The following PCBP3 variants were observed in gnomAD, a reference collection of about 807,000 sequenced individuals.
PCBP3 encodes poly(rC)-binding protein 3.
In PCBP3, 25 loss-of-function variants were observed where a neutral mutation model predicts 52.7. The observed-to-expected ratio is 0.47, with a 90% CI of 0.35 to 0.66. The LOEUF (loss-of-function observed/expected upper bound fraction) is 0.66. PCBP3 is among the 30% of genes least tolerant of loss of function. The pLI is 0.01. For synonymous variants in PCBP3, 162 were observed against 183.0 expected, an observed-to-expected ratio of 0.89 and a Z score of 0.93; for missense variants, 391 against 490.3, an observed-to-expected ratio of 0.80 and a Z score of 1.91.
chr21:45,827,055 G>A lies in PCBP3; in HGVS notation c.-125-22906G>A, dbSNP rs2093326296. On this transcript the variant is annotated intron_variant, in intron 4 of 17. Coordinates refer to ENST00000681687, the MANE Select transcript of PCBP3 (RefSeq NM_001384156.1). This position sits in a 1 kb window ranked among gnomAD's most constrained non-coding sequence, Gnocchi z 4.3. ...AGGGAGCATCAGGGAGGCTGATGGGGACATGTACTCCCAGCTGAGCCAGGC... is the reference window on the plus strand; with the variant it reads ...AGGGAGCATCAGGGAGGCTGATGGGAACATGTACTCCCAGCTGAGCCAGGC... 6.6e-6 allele frequency among the ~76,000 whole-genome samples: 1 copy of A among 152,134 alleles called. No homozygotes were observed. The highest frequency in any genetic ancestry group is 6.5e-5 in the Admixed American group (1 of 15,286).
chr21:45,763,294 T>TTA (rs2088903246), intron 4 of PCBP3: 1 of 152,264 alleles, frequency 6.6e-6, no homozygotes, highest in Non-Finnish European at 1.5e-5. Flanking sequence ...AGGATGATAA[T>TTA]TATTTATTCA....
intron 2 of PCBP3, among the ~76,000 whole-genome samples, chr21:45,725,302 T>G (rs2084946672): frequency 2.0e-5 from 3 of 152,114 alleles, no homozygotes; most frequent in Non-Finnish European, 4.4e-5. Context: ...TGATGGTGGT[T>G]TTTTTTCTGA....
Position 45,805,824 on chromosome 21 carries a change from C to T in PCBP3, c.-125-44137C>T, listed in dbSNP as rs1370304919. 6.6e-6 allele frequency among the ~76,000 whole-genome samples: 1 copy of T among 151,958 alleles called. No individual in the cohort carries two copies. The highest frequency in any genetic ancestry group is 1.5e-5 in the Non-Finnish European group (1 of 68,000). On this transcript the variant is annotated intron_variant, in intron 4 of 17. Coordinates refer to ENST00000681687, the MANE Select transcript of PCBP3 (RefSeq NM_001384156.1). This position sits in a 1 kb window ranked among gnomAD's most constrained non-coding sequence, Gnocchi z 4.6. ...GCGCGCTCCTGTCTTTCTGTGGCAG[C>T]GAAGGTGGCATTCCCTCCTAGCACC...
chr21:45,644,382 G>A (rs777027112), intron 1 of PCBP3, among the ~76,000 whole-genome samples: 1 of 151,910 alleles, frequency 6.6e-6, no homozygotes, highest in Non-Finnish European at 1.5e-5. Flanking sequence ...GCGCGCGGGC[G>A]GTGGGGCGCG....
chr21:45,672,977 C>G (rs934283841), intron 2 of PCBP3, among the ~76,000 whole-genome samples: 3 of 152,098 alleles, frequency 2.0e-5, no homozygotes, highest in South Asian at 2.1e-4. Context: ...TTTCTCTTCC[C>G]CCTGAGCTGG....
intron 1 of PCBP3, among the ~76,000 whole-genome samples, chr21:45,646,375 G>C (rs1183644261): frequency 6.6e-6 from 1 of 151,840 alleles, no homozygotes; most frequent in South Asian, 2.1e-4. Context: ...GCTTGAGTAT[G>C]GGCATCAAGT....
At chr21:45,717,803 G>A (rs2084326533) in intron 2 of PCBP3, among the ~76,000 whole-genome samples, 1 of 152,184 alleles carries the variant, frequency 6.6e-6, no homozygotes, top group Non-Finnish European at 1.5e-5. Context: ...TTCTCTTGAT[G>A]TCTTTGTTTG....
chr21:45,711,200 T>G (rs1267140933), intron 2 of PCBP3, among the ~76,000 whole-genome samples: 2 of 152,232 alleles, frequency 1.3e-5, no homozygotes, highest in Non-Finnish European at 2.9e-5. Context: ...TTGTTGCTTT[T>G]AGGCCATTTT....
In PCBP3 at chr21:45,862,618, A is replaced by C. The variant is rs187720533; in HGVS notation, c.10+12523A>C. ...ACTCGTTATTTTAGCTTCTTTCTTT[A>C]ATAAGCAATCGACTGACTTTGCTTG... On this transcript the variant is annotated intron_variant, in intron 5 of 17. Transcript: ENST00000681687. Among the ~76,000 whole-genome samples, 248 of 152,314 alleles carry C rather than the reference A, an allele frequency of 1.6e-3. 3 individuals carry two copies. Among genetic ancestry groups the C allele is most frequent in the African/African-American group, 5.5e-3 (228 of 41,550 alleles).
At chr21:45,862,791 T>A (rs2094559334) in intron 5 of PCBP3, among the ~76,000 whole-genome samples, 1 of 152,226 alleles carries the variant, frequency 6.6e-6, no homozygotes, top group South Asian at 2.1e-4. Context: ...GTGGCTTCTC[T>A]TTGCATTCAC....
At chr21:45,671,799 A>C (rs1473574318) in intron 2 of PCBP3, among the ~76,000 whole-genome samples, 5 of 152,192 alleles carry the variant, frequency 3.3e-5, no homozygotes, top group Non-Finnish European at 7.4e-5. Flanking sequence ...AACAGTCATC[A>C]CTTATGTCAG....
At chr21:45,865,423 T>G (rs1022451262) in intron 5 of PCBP3, among the ~76,000 whole-genome samples, 2 of 152,238 alleles carry the variant, frequency 1.3e-5, no homozygotes, top group African/African-American at 4.8e-5. Flanking sequence ...ATTCCTTCGC[T>G]TCTATCAGTG....
At chr21:45,729,975 G>C (rs1382300287) in intron 2 of PCBP3, among the ~76,000 whole-genome samples, 1 of 151,916 alleles carries the variant, frequency 6.6e-6, no homozygotes, top group African/African-American at 2.4e-5. Context: ...TGTTGCCCAG[G>C]CTGGTCTCAA....
At chr21:45,707,679 A>G (rs1346921444) in intron 2 of PCBP3, among the ~76,000 whole-genome samples, 3 of 152,202 alleles carry the variant, frequency 2.0e-5, no homozygotes, top group African/African-American at 7.2e-5. Context: ...AATCAGAATG[A>G]TTCCAGAGGA....
chr21:45,823,596 C>G (rs2093213749), intron 4 of PCBP3, among the ~76,000 whole-genome samples: 1 of 152,126 alleles, frequency 6.6e-6, no homozygotes, highest in Non-Finnish European at 1.5e-5. Context: ...CTCTGTGATT[C>G]ACTGACTCAC....
At chr21:45,881,213 TAC>T (rs2095396761) in intron 5 of PCBP3, among the ~76,000 whole-genome samples, 1 of 152,234 alleles carries the variant, frequency 6.6e-6, no homozygotes, top group South Asian at 2.1e-4. Flanking sequence ...TAAGGTAGAT[TAC>T]ACAGACAGAT....
intron 4 of PCBP3, among the ~76,000 whole-genome samples, chr21:45,784,696 C>G (rs568152565): frequency 1.3e-5 from 2 of 152,258 alleles, no homozygotes; most frequent in Admixed American, 6.5e-5. Flanking sequence ...CTCCTGACCG[C>G]GAGTGATCCG....
In PCBP3 at chr21:45,817,966, C is replaced by T. The variant is rs1569265638; in HGVS notation, c.-125-31995C>T. 6.6e-6 allele frequency among the ~76,000 whole-genome samples: 1 copy of T among 152,178 alleles called. No individual in the cohort carries two copies. The highest frequency in any genetic ancestry group is 6.5e-5 in the Admixed American group (1 of 15,280). ...CCTCCTCCCCTCATACAGAGCTTCT[C>T]CTGTTACGTACATCTTGCCTCAAGT... On this transcript the variant is annotated intron_variant, in intron 4 of 17. Coordinates refer to ENST00000681687, the MANE Select transcript of PCBP3 (RefSeq NM_001384156.1). This position sits in a 1 kb window ranked among gnomAD's most constrained non-coding sequence, Gnocchi z 4.3.
intron 16 of PCBP3, among the ~76,000 whole-genome samples, chr21:45,935,903 T>G (rs1178409093): frequency 6.6e-6 from 1 of 152,226 alleles, no homozygotes; most frequent in Non-Finnish European, 1.5e-5. Flanking sequence ...AGAGGACTAT[T>G]CTCTGAATGC....
Sources: allele counts gnomAD v4.1 joint callset (sites outside exome capture counted in the v4.1 genomes callset), GRCh38; gene constraint gnomAD v4.1.1; non-coding constraint Gnocchi (gnomAD v3.1); transcripts MANE v1.5; gene names NCBI Gene and HGNC (gene_info 2026-07-23, HGNC 2026-07-21).